RERG: variants seen among roughly 807,000 people sequenced by gnomAD.
The protein encoded by RERG is RAS like estrogen regulated growth inhibitor, also known as ras-related and estrogen-regulated growth inhibitor.
A neutral mutation model predicts 23.2 loss-of-function variants in RERG; 25 were observed. The ratio of observed to expected loss-of-function variants is 1.08; its 90% CI spans 0.79 to 1.50. The LOEUF (loss-of-function observed/expected upper bound fraction) is 1.50, where lower values mean the gene tolerates loss of function less well. RERG is among the 40% of genes most tolerant of loss of function. The probability of loss-of-function intolerance (pLI) is 0.00; values close to 1 mark genes in which losing one functional copy is unlikely to be tolerated. For missense variants in RERG, 253 were observed against 250.1 expected (o/e 1.01, Z -0.08); for synonymous variants, 81 against 89.1 (o/e 0.91, Z 0.51).
At chr12:15,183,062 C>A (rs909924926) in intron 2 of RERG, among the ~76,000 whole-genome samples, 2 of 151,928 alleles carry the variant, frequency 1.3e-5, no homozygotes, top group Admixed American at 6.6e-5. Flanking sequence ...GCCTGGGCAA[C>A]AGAGAGAGAC....
chr12:15,126,714 C>CTTTT (rs377034134), intron 2 of RERG, among the ~76,000 whole-genome samples: 1 of 85,712 alleles, frequency 1.2e-5, no homozygotes. Context: ...ATTTCTTTTT[C>CTTTT]TTTTTCTTTC....
At chr12:15,149,034 A>G (rs111777047) in intron 2 of RERG, among the ~76,000 whole-genome samples, 1 of 151,438 alleles carries the variant, frequency 6.6e-6, no homozygotes, top group Admixed American at 6.6e-5. Flanking sequence ...ACGCCCGGCT[A>G]ATTTTTTGTA....
chr12:15,200,300 G>A (rs139571277), intron 2 of RERG, among the ~76,000 whole-genome samples: 1 of 152,012 alleles, frequency 6.6e-6, no homozygotes, highest in African/African-American at 2.4e-5. Context: ...CTGAAAAAAT[G>A]ACCTGAGAAA....
At chr12:15,197,138 C>G in intron 2 of RERG, among the ~76,000 whole-genome samples, 1 of 152,116 alleles carries the variant, frequency 6.6e-6, no homozygotes. Context: ...TAGAATATGT[C>G]AGACAAACAC....
At chr12:15,194,821 C>G (rs1393964532) in intron 2 of RERG, among the ~76,000 whole-genome samples, 3 of 152,052 alleles carry the variant, frequency 2.0e-5, no homozygotes, top group Non-Finnish European at 2.9e-5. Flanking sequence ...CAGAGGAAAT[C>G]TTACACGGGG....
At chr12:15,210,454 C>T (rs549478079) in intron 2 of RERG, among the ~76,000 whole-genome samples, 50 of 152,128 alleles carry the variant, frequency 3.3e-4, no homozygotes, top group African/African-American at 1.1e-3. Flanking sequence ...TTTTGTTTTC[C>T]AGTATTGTTT....
intron 2 of RERG, among the ~76,000 whole-genome samples, chr12:15,198,317 T>C (rs1393513533): frequency 6.6e-6 from 1 of 152,066 alleles, no homozygotes; most frequent in Non-Finnish European, 1.5e-5. Context: ...CTCAATGTGA[T>C]CCTTTAAATT....
At chr12:15,215,415 C>A (rs1307700129) in intron 2 of RERG, among the ~76,000 whole-genome samples, 1 of 152,026 alleles carries the variant, frequency 6.6e-6, no homozygotes, top group Non-Finnish European at 1.5e-5. Flanking sequence ...GAGAGAGCAG[C>A]AAAGCCAAAG....
intron 2 of RERG, among the ~76,000 whole-genome samples, chr12:15,123,042 C>T (rs969594412): frequency 6.6e-6 from 1 of 152,074 alleles, no homozygotes; most frequent in Non-Finnish European, 1.5e-5. Context: ...CGTGATCTGC[C>T]CACCTCGGCC....
intron 2 of RERG, among the ~76,000 whole-genome samples, chr12:15,183,163 G>A (rs1273886342): frequency 6.6e-6 from 1 of 152,028 alleles, no homozygotes; most frequent in Non-Finnish European, 1.5e-5. Flanking sequence ...TAGAAAATAT[G>A]GGGATGTAAG....
At chr12:15,211,732 C>A (rs1865368949) in intron 2 of RERG, among the ~76,000 whole-genome samples, 1 of 152,138 alleles carries the variant, frequency 6.6e-6, no homozygotes, top group East Asian at 1.9e-4. Context: ...CATGCTAATT[C>A]ACCTGGTTTG....
In RERG at chr12:15,217,523, A is replaced by G. The variant is rs1408085767; in HGVS notation, c.-34T>C. The stretch of plus-strand genomic sequence containing the variant: ...TTGGTAGACAATTTACTGTTGTTAA[A>G]ACTAAAGCACTGAGTAAATCTTTTT... On this transcript the variant is annotated 5_prime_UTR_variant, in exon 2 of 5. Transcript: ENST00000256953. The G allele has an allele frequency of 6.7e-7, 1 of 1,481,638 alleles. No homozygotes were observed. The highest frequency in any genetic ancestry group is 9.4e-7 in the Non-Finnish European group (1 of 1,059,352). The allele number at this position is 1,481,638 out of a possible 1,614,324, so 91.8% of individuals were successfully genotyped here.
rs1291770957 is a variant in RERG, at chr12:15,109,234, A to C, written c.476T>G (p.Ile159Arg). Residue 159 changes from isoleucine to arginine, a missense_variant, in exon 5 of 5, where the codon ATA becomes AGA. Ile to Arg is a moderately conservative substitution (Grantham distance 97). Coordinates refer to ENST00000256953, the MANE Select transcript of RERG (RefSeq NM_032918.3). ...CACCTCTCGACACAATTCATAGAAT[A>C]TCTCTGTGATGTTCCCTTCTCCAGT... The part of the protein sequence containing the change: ...ACTGEGNITE[I>R]FYELCREVRR... The C allele has an allele frequency of 1.9e-6, 3 of 1,614,110 alleles. No individual in the cohort carries two copies. The highest frequency in any genetic ancestry group is 1.7e-5 in the Admixed American group (1 of 60,016).
intron 2 of RERG, among the ~76,000 whole-genome samples, chr12:15,211,392 C>T (rs988277416): frequency 1.3e-5 from 2 of 151,086 alleles, no homozygotes; most frequent in Non-Finnish European, 2.9e-5. Context: ...CATGGATGAA[C>T]ATAGAGGAAA....
chr12:15,139,553 T>G (rs1864201094), intron 2 of RERG, among the ~76,000 whole-genome samples: 1 of 152,170 alleles, frequency 6.6e-6, no homozygotes, highest in Non-Finnish European at 1.5e-5. Flanking sequence ...GATTTATACA[T>G]AAGCATTTAA....
At chr12:15,177,632 T>C (rs1306895888) in intron 2 of RERG, among the ~76,000 whole-genome samples, 2 of 152,190 alleles carry the variant, frequency 1.3e-5, no homozygotes, top group Admixed American at 6.5e-5. Context: ...AATCAAAGTA[T>C]ATTTTAAAAC....
At chr12:15,212,349 G>A (rs1467477280) in intron 2 of RERG, among the ~76,000 whole-genome samples, 1 of 151,756 alleles carries the variant, frequency 6.6e-6, no homozygotes, top group Admixed American at 6.6e-5. Flanking sequence ...GTGAGCCACC[G>A]CGCCCGGCCA....
At chr12:15,175,987 C>G (rs1333744302) in intron 2 of RERG, among the ~76,000 whole-genome samples, 2 of 152,162 alleles carry the variant, frequency 1.3e-5, no homozygotes, top group African/African-American at 4.8e-5. Flanking sequence ...TGAGGTTCAG[C>G]AGTTTTTCCT....
At chr12:15,203,202 C>G (rs886451905) in intron 2 of RERG, among the ~76,000 whole-genome samples, 1 of 151,542 alleles carries the variant, frequency 6.6e-6, no homozygotes, top group Non-Finnish European at 1.5e-5. Context: ...GTAGGAGTGC[C>G]TTATCTATTT....
Sources: gnomAD v4.1 joint callset for allele counts (sites outside exome capture counted in the v4.1 genomes callset) on GRCh38, gnomAD v4.1.1 for gene constraint, MANE v1.5 for transcripts, NCBI Gene and HGNC (gene_info 2026-07-23, HGNC 2026-07-21) for gene names.